Variants in RFTN1 observed in about 807,000 individuals in gnomAD.
RFTN1 encodes the protein raftlin.
Under a neutral mutation model 46.5 loss-of-function variants are expected in RFTN1, and 26 were observed. The ratio of observed to expected loss-of-function variants is 0.56; its 90% CI spans 0.41 to 0.78. The LOEUF is 0.78. Among genes scored for constraint, RFTN1 ranks in the 30% least tolerant of loss-of-function variants. The pLI is 0.00. For missense variants in RFTN1, 693 were observed against 718.7 expected, an observed-to-expected ratio of 0.96 and a Z score of 0.41; for synonymous variants, 261 against 284.2, an observed-to-expected ratio of 0.92 and a Z score of 0.82.
intron 6 of RFTN1, among the ~76,000 whole-genome samples, chr3:16,367,908 T>C (rs1382986466): frequency 1.3e-5 from 2 of 152,180 alleles, no homozygotes; most frequent in South Asian, 2.1e-4. Context: ...ACCTTCCTTC[T>C]GATGCCCTAG....
At chr3:16,326,566 G>A (rs1169354630) in intron 8 of RFTN1, among the ~76,000 whole-genome samples, 5 of 152,166 alleles carry the variant, frequency 3.3e-5, no homozygotes, top group Non-Finnish European at 7.3e-5. Flanking sequence ...CCCCCCATGT[G>A]GGAAGAGGGG....
intron 3 of RFTN1, chr3:16,416,099 A>G: frequency 2.8e-6 from 1 of 360,722 alleles, no homozygotes; most frequent in Non-Finnish European, 5.6e-6. Context: ...ACATCTTGGG[A>G]CCCCCCACTT....
intron 5 of RFTN1, among the ~76,000 whole-genome samples, chr3:16,372,322 G>A: frequency 6.6e-6 from 1 of 152,284 alleles, no homozygotes; most frequent in East Asian, 1.9e-4. Context: ...CCCACCAAGG[G>A]CAAGGAAGGT....
chr3:16,464,652 C>T lies in RFTN1; in HGVS notation c.145+29073G>A, dbSNP rs566340522. On this transcript the variant is annotated intron_variant, in intron 2 of 9. Transcript: ENST00000334133. Reference sequence around the variant, plus strand: ...CCAGTGTTGGGCAAACTATGGCCCACAGGCCAAGTCCAGCCCACTGCCTGG... The same window carrying T: ...CCAGTGTTGGGCAAACTATGGCCCATAGGCCAAGTCCAGCCCACTGCCTGG... Among the ~76,000 whole-genome samples, 13 of 152,398 alleles carry T rather than the reference C, an allele frequency of 8.5e-5. No individual in the cohort carries two copies. In the South Asian group the frequency reaches 1.7e-3, roughly 19 times the overall value.
At chr3:16,477,161 G>A (rs182069993) in intron 2 of RFTN1, among the ~76,000 whole-genome samples, 5 of 152,108 alleles carry the variant, frequency 3.3e-5, no homozygotes, top group African/African-American at 1.2e-4. Context: ...ATGCATGGTT[G>A]TTTCTTTAAT....
chr3:16,454,146 T>C (rs2075865124), intron 2 of RFTN1, among the ~76,000 whole-genome samples: 1 of 152,226 alleles, frequency 6.6e-6, no homozygotes, highest in African/African-American at 2.4e-5. Flanking sequence ...GCTCTCCTAA[T>C]GAGAGTCATT....
intron 2 of RFTN1, among the ~76,000 whole-genome samples, chr3:16,453,183 G>A (rs2075848905): frequency 6.6e-6 from 1 of 152,160 alleles, no homozygotes; most frequent in Admixed American, 6.5e-5. Context: ...GAGCCACTAA[G>A]GGTTGAACCT....
chr3:16,508,575 G>A (rs2076847737), intron 1 of RFTN1, among the ~76,000 whole-genome samples: 1 of 152,208 alleles, frequency 6.6e-6, no homozygotes, highest in Admixed American at 6.5e-5. Flanking sequence ...TTTTTTATGA[G>A]AAAGTGTCTT....
intron 5 of RFTN1, among the ~76,000 whole-genome samples, chr3:16,377,100 A>G (rs562957042): frequency 6.6e-6 from 1 of 152,230 alleles, no homozygotes; most frequent in South Asian, 2.1e-4. Flanking sequence ...TGAAGAAAGT[A>G]GAGAAAAAGG....
At chr3:16,328,622 G>A (rs144605350) in intron 7 of RFTN1, among the ~76,000 whole-genome samples, 5 of 152,310 alleles carry the variant, frequency 3.3e-5, no homozygotes, top group African/African-American at 7.2e-5. Context: ...AGCATGGCCC[G>A]AGCCGGCAGC....
rs2075122962 is a variant in RFTN1 at position 16,418,332 on chromosome 3, T to C, written c.333-8849A>G. ...AACTATGATACACATTACTTTTAAA[T>C]AATAAACATGTAATAAATCCCATTT... On this transcript the variant is annotated intron_variant, in intron 3 of 9. Coordinates refer to ENST00000334133, the MANE Select transcript of RFTN1 (RefSeq NM_015150.2). The surrounding 1 kb of genome is among the most constrained non-coding windows in gnomAD (Gnocchi z 5.0). 6.6e-6 allele frequency among the ~76,000 whole-genome samples: 1 copy of C among 152,232 alleles called. No homozygotes were observed. Among genetic ancestry groups the C allele is most frequent in the Non-Finnish European group, 1.5e-5 (1 of 68,028 alleles).
chr3:16,368,301 G>A (rs1004238920), intron 6 of RFTN1, among the ~76,000 whole-genome samples: 9 of 152,210 alleles, frequency 5.9e-5, no homozygotes, highest in Non-Finnish European at 1.3e-4. Flanking sequence ...TACCCACGGA[G>A]GGCTTCCTTG....
rs1246767973 is a variant in RFTN1 at position 16,498,445 on chromosome 3, A to G, written c.-8-4568T>C. 1.3e-5 allele frequency among the ~76,000 whole-genome samples: 2 copies of G among 152,172 alleles called. No homozygotes were observed. Among genetic ancestry groups the G allele is most frequent in the East Asian group, 3.8e-4 (2 of 5,202 alleles). On this transcript the variant is annotated intron_variant, in intron 1 of 9. Transcript: ENST00000334133. The surrounding 1 kb of genome is among the most constrained non-coding windows in gnomAD (Gnocchi z 5.2). ...TGGTTCTGAGGCTGCCCAATTTATG[A>G]AGTTTTCTTTGCTCATTCAAACTCT...
chr3:16,323,057 G>A (rs2069255621), intron 9 of RFTN1, among the ~76,000 whole-genome samples: 1 of 152,204 alleles, frequency 6.6e-6, no homozygotes, highest in Non-Finnish European at 1.5e-5. Context: ...CCCACCCCAT[G>A]GTCAGGCTGC....
intron 4 of RFTN1, among the ~76,000 whole-genome samples, chr3:16,395,639 G>C (rs1176912434): frequency 6.6e-6 from 1 of 152,106 alleles, no homozygotes; most frequent in African/African-American, 2.4e-5. Flanking sequence ...TGTAGAGACA[G>C]GGTCTTGCTA....
In RFTN1 at chr3:16,446,202, A is replaced by G. The variant is rs1462227587; in HGVS notation, c.146-12165T>C. Among the ~76,000 whole-genome samples, 1 of 152,114 alleles carries G rather than the reference A, an allele frequency of 6.6e-6. No individual in the cohort carries two copies. Among genetic ancestry groups the G allele is most frequent in the African/African-American group, 2.4e-5 (1 of 41,410 alleles). Reference sequence around the variant, plus strand: ...CCCCATATTCCCTGGGCCCTAAAGCAGATTAGCCACAAGACCAAGATGAAA... The same window carrying G: ...CCCCATATTCCCTGGGCCCTAAAGCGGATTAGCCACAAGACCAAGATGAAA... On this transcript the variant is annotated intron_variant, in intron 2 of 9. Coordinates refer to ENST00000334133, the MANE Select transcript of RFTN1 (RefSeq NM_015150.2). This position sits in a 1 kb window ranked among gnomAD's most constrained non-coding sequence, Gnocchi z 4.5.
chr3:16,443,995 T>C lies in RFTN1; in HGVS notation c.146-9958A>G, dbSNP rs778737953. On this transcript the variant is annotated intron_variant, in intron 2 of 9. Transcript: ENST00000334133. This position sits in a 1 kb window ranked among gnomAD's most constrained non-coding sequence, Gnocchi z 5.5. ...GATGCTTAGGTTTAGTAGTGGGCAC[T>C]CAAATATTAAAAGCAACCCACTAGA... Among the ~76,000 whole-genome samples, 11 of 152,210 alleles carry C rather than the reference T, an allele frequency of 7.2e-5. No individual in the cohort carries two copies. The highest frequency in any genetic ancestry group is 1.3e-4 in the Non-Finnish European group (9 of 68,038).
At chr3:16,325,546 A>G (rs183981759) in intron 8 of RFTN1, among the ~76,000 whole-genome samples, 1 of 152,344 alleles carries the variant, frequency 6.6e-6, no homozygotes, top group East Asian at 1.9e-4. Flanking sequence ...AACATGACAC[A>G]GTGGGTAAGT....
At chr3:16,420,224 A>G (rs2075159059) in intron 3 of RFTN1, among the ~76,000 whole-genome samples, 1 of 152,236 alleles carries the variant, frequency 6.6e-6, no homozygotes. Flanking sequence ...GCTGGGCTGC[A>G]GAAAAGAGGA....
Sources: allele counts gnomAD v4.1 joint callset (sites outside exome capture counted in the v4.1 genomes callset), GRCh38; gene constraint gnomAD v4.1.1; non-coding constraint Gnocchi (gnomAD v3.1); transcripts MANE v1.5; gene names NCBI Gene and HGNC (gene_info 2026-07-23, HGNC 2026-07-21).